The following RGL1 variants were observed in gnomAD, a reference collection of about 807,000 sequenced individuals.
RGL1 encodes ral guanine nucleotide dissociation stimulator like 1, also known as ral guanine nucleotide dissociation stimulator-like 1.
RGL1 carries 24 observed loss-of-function variants against 95.2 expected under a neutral mutation model. That is an observed-to-expected ratio of 0.25 (90% CI 0.18 to 0.35). The LOEUF (loss-of-function observed/expected upper bound fraction) is 0.35. Ranked by LOEUF, RGL1 falls within the 10% of genes least tolerant of loss-of-function variation. The probability of loss-of-function intolerance (pLI) is 1.00; values close to 1 mark genes in which losing one functional copy is unlikely to be tolerated. For synonymous variants in RGL1, 329 were observed against 344.9 expected, an observed-to-expected ratio of 0.95 and a Z score of 0.51; for missense variants, 715 against 936.3, an observed-to-expected ratio of 0.76 and a Z score of 3.08.
chr1:183,894,103 A>G (rs984072011), intron 9 of RGL1, among the ~76,000 whole-genome samples: 2 of 152,226 alleles, frequency 1.3e-5, no homozygotes, highest in African/African-American at 4.8e-5. Context: ...GGCTTTGCAT[A>G]CTTTAAATGG....
At chr1:183,889,439 G>A (rs190978753) in intron 8 of RGL1, among the ~76,000 whole-genome samples, 355 of 152,276 alleles carry the variant, frequency 2.3e-3, no homozygotes, top group African/African-American at 7.9e-3. Flanking sequence ...TCAGTTAGGA[G>A]GAGAGGGATG....
intron 2 of RGL1, among the ~76,000 whole-genome samples, chr1:183,751,348 C>CT (rs1297993185): frequency 6.6e-6 from 1 of 152,180 alleles, no homozygotes; most frequent in South Asian, 2.1e-4. Context: ...TTCCCAATGG[C>CT]TTTGTTTACA....
chr1:183,698,633 T>G (rs563305890), intron 1 of RGL1, among the ~76,000 whole-genome samples: 31 of 152,368 alleles, frequency 2.0e-4, no homozygotes, highest in African/African-American at 7.5e-4. Context: ...CACATTATTT[T>G]GAAATGCTAC....
chr1:183,872,345 A>T (rs1666232016), intron 4 of RGL1, among the ~76,000 whole-genome samples: 2 of 152,320 alleles, frequency 1.3e-5, no homozygotes, highest in Admixed American at 1.3e-4. Flanking sequence ...ATTTAAAGAG[A>T]TTTAAAACTC....
chr1:183,648,757 G>C, intron 1 of RGL1: 1 of 1,609,782 alleles, frequency 6.2e-7, no homozygotes. Flanking sequence ...TGATTTGCTA[G>C]GTACTCCTCA....
chr1:183,689,941 T>C (rs1404882482), intron 1 of RGL1, among the ~76,000 whole-genome samples: 1 of 152,224 alleles, frequency 6.6e-6, no homozygotes, highest in Non-Finnish European at 1.5e-5. Context: ...AAGGGCCTAA[T>C]TTACCTGTAT....
chr1:183,667,632 T>C (rs1296978931), intron 1 of RGL1, among the ~76,000 whole-genome samples: 1 of 152,178 alleles, frequency 6.6e-6, no homozygotes, highest in East Asian at 1.9e-4. Flanking sequence ...AGCCAGATCA[T>C]TGATGTTTAA....
intron 2 of RGL1, among the ~76,000 whole-genome samples, chr1:183,787,622 T>C (rs75825376): frequency 0.015 from 2,338 of 152,236 alleles, 76 homozygotes; most frequent in African/African-American, 0.054. Flanking sequence ...GATGGTTCCA[T>C]AGAAGCTGCT....
chr1:183,860,935 C>T (rs1412574195), intron 3 of RGL1, among the ~76,000 whole-genome samples: 1 of 152,138 alleles, frequency 6.6e-6, no homozygotes. Flanking sequence ...GAAAGGCTCA[C>T]CATAGCTTGT....
chr1:183,899,684 T>C (rs140477232), intron 10 of RGL1, among the ~76,000 whole-genome samples: 66 of 152,336 alleles, frequency 4.3e-4, no homozygotes, highest in Middle Eastern at 3.4e-3. Flanking sequence ...TTCCCTCCTC[T>C]ATTATTTGAG....
At chr1:183,647,533 G>T in intron 1 of RGL1, 3 of 1,279,214 alleles carry the variant, frequency 2.3e-6, no homozygotes, top group Non-Finnish European at 3.1e-6. Context: ...TATAATAGTT[G>T]ATATGGTAAA....
chr1:183,754,436 G>T (rs1474692349), intron 2 of RGL1: 1 of 152,042 alleles, frequency 6.6e-6, no homozygotes, highest in African/African-American at 2.4e-5. Context: ...CATAATAAAA[G>T]TTTATTTCTC....
intron 2 of RGL1, among the ~76,000 whole-genome samples, chr1:183,781,209 T>G (rs1419585951): frequency 1.3e-5 from 2 of 152,142 alleles, no homozygotes; most frequent in African/African-American, 4.8e-5. Context: ...ATGAAGCAAT[T>G]ATTACTCTTC....
chr1:183,737,473 G>C (rs904805791), intron 1 of RGL1, among the ~76,000 whole-genome samples: 24 of 151,938 alleles, frequency 1.6e-4, no homozygotes, highest in African/African-American at 5.1e-4. Context: ...AAGAAGACTA[G>C]GCACAGTGGC....
chr1:183,714,994 G>C (rs771162622), intron 1 of RGL1, among the ~76,000 whole-genome samples: 9 of 152,158 alleles, frequency 5.9e-5, no homozygotes, highest in Non-Finnish European at 1.0e-4. Flanking sequence ...ATTTTACCTT[G>C]TTTAGTCCTA....
Position 183,904,968 on chromosome 1 carries a change from A to C in RGL1, c.1469A>C (p.Glu490Ala), listed in dbSNP as rs749217257. ...AGGCAGCAGCTCCTGACAGAGGAGGAGAGGTGGGATCACCTGTCGTTCATC... is the reference window on the plus strand; with the variant it reads ...AGGCAGCAGCTCCTGACAGAGGAGGCGAGGTGGGATCACCTGTCGTTCATC... ...FQRQQLLTEE[E>A]SYALSCEIEA... is the part of the protein sequence containing the mutation. Residue 490 changes from glutamate (E) to alanine (A), a missense_variant, in exon 13 of 18, where the codon GAG becomes GCG. Transcript: ENST00000360851. 3.7e-6 allele frequency: 6 copies of C among 1,611,408 alleles called. No individual in the cohort carries two copies. Among genetic ancestry groups the C allele is most frequent in the Non-Finnish European group, 5.1e-6 (6 of 1,179,294 alleles).
At position 183,724,590 on chromosome 1, in the gene RGL1, G is replaced by T. The variant is rs773152540; in HGVS notation, c.-32-17536G>T. The stretch of plus-strand genomic sequence containing the variant: ...AGAGAGACTCCTCTGCTTGTGGAAG[G>T]GGGAGGGAGGAGTATGAGGGACTTT... On this transcript the variant is annotated intron_variant, in intron 1 of 18. Transcript: ENST00000304685. The surrounding 1 kb of genome is among the most constrained non-coding windows in gnomAD (Gnocchi z 4.1). Among the ~76,000 whole-genome samples the T allele has an allele frequency of 4.6e-5, 7 of 152,104 alleles. No homozygotes were observed. Among genetic ancestry groups the T allele is most frequent in the Admixed American group, 1.3e-4 (2 of 15,254 alleles).
At chr1:183,868,925 G>A (rs947403482) in intron 4 of RGL1, among the ~76,000 whole-genome samples, 2 of 152,188 alleles carry the variant, frequency 1.3e-5, no homozygotes, top group African/African-American at 2.4e-5. Context: ...AACCAGCCTG[G>A]GCAACGTAGT....
intron 1 of RGL1, among the ~76,000 whole-genome samples, chr1:183,669,550 T>C (rs894521486): frequency 6.6e-6 from 1 of 152,206 alleles, no homozygotes; most frequent in Non-Finnish European, 1.5e-5. Flanking sequence ...TAAACTGTGT[T>C]TTTTGTCTTT....
Sources: allele counts gnomAD v4.1 joint callset (sites outside exome capture counted in the v4.1 genomes callset), GRCh38; gene constraint gnomAD v4.1.1; non-coding constraint Gnocchi (gnomAD v3.1); transcripts MANE v1.5; gene names NCBI Gene and HGNC (gene_info 2026-07-23, HGNC 2026-07-21).